Variants in LNPEP observed in about 807,000 individuals in gnomAD.
LNPEP encodes the protein leucyl and cystinyl aminopeptidase.
Under a neutral mutation model 120.6 loss-of-function variants are expected in LNPEP, and 64 were observed. The observed-to-expected ratio is 0.53, with a 90% CI of 0.43 to 0.65. The LOEUF (loss-of-function observed/expected upper bound fraction) is 0.65. Ranked by LOEUF, LNPEP falls within the 30% of genes least tolerant of loss-of-function variation. LNPEP has a pLI of 0.00. For synonymous variants in LNPEP, 435 were observed against 425.4 expected (o/e 1.02, Z -0.28); for missense variants, 1,057 against 1,200.0 (o/e 0.88, Z 1.76).
At chr5:96,951,701 T>C (rs1024333964) in intron 1 of LNPEP, among the ~76,000 whole-genome samples, 11 of 152,198 alleles carry the variant, frequency 7.2e-5, no homozygotes, top group African/African-American at 2.2e-4. Flanking sequence ...AGGAATAAGT[T>C]TTTGGAGTTT....
intron 1 of LNPEP, among the ~76,000 whole-genome samples, chr5:96,968,353 C>A (rs1789777694): frequency 6.6e-6 from 1 of 152,030 alleles, no homozygotes; most frequent in Admixed American, 6.6e-5. Flanking sequence ...GGATAATCCC[C>A]CAAGTTGGCA....
chr5:97,034,638 A>G lies in LNPEP; in HGVS notation c.*6105A>G, dbSNP rs996970860. ...CACAAGCAAGTAGTATGTGAGCACT[A>G]CAGGGCTTGGGTTTTGGTTTTTTGC... On this transcript the variant is annotated 3_prime_UTR_variant, in exon 18 of 18. Coordinates refer to ENST00000231368, the MANE Select transcript of LNPEP (RefSeq NM_005575.3). 8 of 152,044 alleles carry G rather than the reference A, an allele frequency of 5.3e-5. No individual in the cohort carries two copies. Among genetic ancestry groups the G allele is most frequent in the Admixed American group, 1.3e-4 (2 of 15,240 alleles). 9.4% of individuals were successfully genotyped at this position (152,044 alleles called of 1,614,324 possible).
intron 1 of LNPEP, among the ~76,000 whole-genome samples, chr5:96,973,075 A>T (rs1017483790): frequency 6.6e-6 from 1 of 152,150 alleles, no homozygotes; most frequent in Admixed American, 6.6e-5. Flanking sequence ...TGTTACACAA[A>T]CAGGTGTCAG....
intron 1 of LNPEP, among the ~76,000 whole-genome samples, chr5:96,940,442 TA>T (rs945513961): frequency 9.9e-4 from 140 of 141,778 alleles, no homozygotes; most frequent in Admixed American, 1.5e-3. Context: ...ACAGTTACAT[TA>T]AAAAAAAAAA....
chr5:97,026,527 A>G lies in LNPEP; in HGVS notation c.2724-90A>G, dbSNP rs1293877197. 4 of 1,020,726 alleles carry G rather than the reference A, an allele frequency of 3.9e-6. No individual in the cohort carries two copies. In the African/African-American group the frequency reaches 4.8e-5, roughly 12 times the overall value. 63.2% of individuals were successfully genotyped at this position (1,020,726 alleles called of 1,614,324 possible). On this transcript the variant is annotated intron_variant, in intron 15 of 17. Transcript: ENST00000231368. ...TTTCTCAATTTGCTACACAGCTTTA[A>G]TTAGGAAACCATACTAATTTTAATT...
chr5:97,010,678 G>A (rs180808805), intron 11 of LNPEP: 43 of 985,116 alleles, frequency 4.4e-5, no homozygotes, highest in Non-Finnish European at 4.7e-5. Flanking sequence ...ACTTCATCTG[G>A]GCTTCTGCCA....
At chr5:96,961,792 A>T (rs954179757) in intron 1 of LNPEP, among the ~76,000 whole-genome samples, 4 of 152,136 alleles carry the variant, frequency 2.6e-5, no homozygotes, top group African/African-American at 9.7e-5. Flanking sequence ...ATACTGTATT[A>T]TATTATTATT....
At chr5:96,986,392 GC>G in intron 3 of LNPEP, 146 bp from the exon 4 acceptor site, 1 of 715,158 alleles carries the variant, frequency 1.4e-6, no homozygotes, top group Non-Finnish European at 2.3e-6. Flanking sequence ...TAGGAGCCAT[GC>G]TCTTTGCAGA....
In LNPEP at chr5:97,006,534, T is replaced by C; in HGVS notation, c.2035+19T>C. On this transcript the variant is annotated intron_variant, in intron 11 of 17. Coordinates refer to ENST00000231368, the MANE Select transcript of LNPEP (RefSeq NM_005575.3). ...AAATCAGGTTTGACTATAATGACAGTTCTGATTGGAAATGGCATAATTTTA... is the reference window on the plus strand; with the variant it reads ...AAATCAGGTTTGACTATAATGACAGCTCTGATTGGAAATGGCATAATTTTA... The C allele has an allele frequency of 7.9e-7, 1 of 1,262,566 alleles. No individual in the cohort carries two copies. The highest frequency in any genetic ancestry group is 1.2e-6 in the Non-Finnish European group (1 of 864,934). 78.2% of individuals were successfully genotyped at this position (1,262,566 alleles called of 1,614,324 possible). A position where few individuals can be genotyped will look rare whatever the true frequency, so the allele number is the denominator to read the frequency against.
intron 4 of LNPEP, among the ~76,000 whole-genome samples, chr5:96,992,732 A>C (rs1790419487): frequency 7.0e-6 from 1 of 143,552 alleles, no homozygotes; most frequent in Non-Finnish European, 1.5e-5. Context: ...AGTTGCTATA[A>C]GATGACCTAA....
intron 11 of LNPEP, among the ~76,000 whole-genome samples, chr5:97,007,229 G>C (rs1012947018): frequency 1.9e-4 from 29 of 152,084 alleles, no homozygotes; most frequent in Admixed American, 1.8e-3. Context: ...AAAATTTCTC[G>C]TTTGAATTTG....
rs1791429245 is a variant in LNPEP, at chr5:97,029,481, G to C, written c.*948G>C. On this transcript the variant is annotated 3_prime_UTR_variant, in exon 18 of 18. Transcript: ENST00000231368. The stretch of plus-strand genomic sequence containing the variant: ...ATTTAAGTTGCCTTTTGGCATCATA[G>C]ATCATAGAAACTTTCTCTCTGAATC... 6.6e-6 allele frequency: 1 copy of C among 152,252 alleles called. No individual in the cohort carries two copies. Among genetic ancestry groups the C allele is most frequent in the African/African-American group, 2.4e-5 (1 of 41,408 alleles). 9.4% of individuals were successfully genotyped at this position (152,252 alleles called of 1,614,324 possible).
chr5:96,983,057 A>C (rs546496741), intron 2 of LNPEP, among the ~76,000 whole-genome samples: 2 of 152,242 alleles, frequency 1.3e-5, no homozygotes, highest in African/African-American at 4.8e-5. Context: ...GTCCTAATTT[A>C]ACTATTAAGG....
intron 13 of LNPEP, 116 bp downstream of exon 13, chr5:97,015,211 C>A: frequency 1.7e-6 from 1 of 586,402 alleles, no homozygotes. Flanking sequence ...ATTTTCTTCA[C>A]TTTCCTGCTT....
chr5:97,030,654 GTGTGTGT>G lies in LNPEP; in HGVS notation c.*2122_*2128del, dbSNP rs1791451728. ...TGTGTGTGTGTGTGTGTGTGTGTGTGTGTGTGTGTGTGTGTAGTGTGGGGGGTATTGT... is the reference window on the plus strand; with the variant it reads ...TGTGTGTGTGTGTGTGTGTGTGTGTGGTGTGTGTAGTGTGGGGGGTATTGT... On this transcript the variant is annotated 3_prime_UTR_variant, in exon 18 of 18. Transcript: ENST00000231368. 2 of 150,026 alleles carry G rather than the reference GTGTGTGT, an allele frequency of 1.3e-5. No individual in the cohort carries two copies. The highest frequency in any genetic ancestry group is 1.3e-4 in the Admixed American group (2 of 15,098). 9.3% of individuals were successfully genotyped at this position (150,026 alleles called of 1,614,324 possible).
intron 8 of LNPEP, among the ~76,000 whole-genome samples, 173 bp from the exon 9 acceptor site, chr5:97,003,242 C>T (rs1013851175): frequency 1.3e-5 from 2 of 152,114 alleles, no homozygotes; most frequent in African/African-American, 4.8e-5. Context: ...AATTTTAAGA[C>T]AGTTGAACAC....
At chr5:96,982,353 A>G (rs981031056) in intron 2 of LNPEP, among the ~76,000 whole-genome samples, 5 of 152,216 alleles carry the variant, frequency 3.3e-5, no homozygotes, top group African/African-American at 1.2e-4. Context: ...CAACTTTAGT[A>G]TTTCAGAAAG....
At chr5:96,991,837 T>C (rs1790394617) in intron 4 of LNPEP, among the ~76,000 whole-genome samples, 1 of 97,034 alleles carries the variant, frequency 1.0e-5, no homozygotes, top group Non-Finnish European at 2.2e-5. Flanking sequence ...GTTGACAGTT[T>C]TAAAATCATA....
rs1485397840 is a variant in LNPEP, at chr5:96,993,029, T to C, written c.1146T>C (p.Ala382=). ...DVNGTLVSIY[A]VPEKIGQVHY... is the part of the protein sequence containing the mutation. ...TTTTCCTTTAGGTTTCTATATATGC[T>C]GTACCAGAAAAGATTGGTCAAGTTC... The change falls in exon 5 of 18, where the codon GCT becomes GCC. Residue 382 remains alanine (A), a synonymous_variant. Transcript: ENST00000231368. 6.3e-7 allele frequency: 1 copy of C among 1,593,246 alleles called. No individual in the cohort carries two copies. The highest frequency in any genetic ancestry group is 8.6e-7 in the Non-Finnish European group (1 of 1,168,816).
Sources: gnomAD v4.1 joint callset for allele counts (sites outside exome capture counted in the v4.1 genomes callset) on GRCh38, gnomAD v4.1.1 for gene constraint, MANE v1.5 for transcripts, NCBI Gene and HGNC (gene_info 2026-07-23, HGNC 2026-07-21) for gene names.